The following MARK1 variants were observed in gnomAD, a reference collection of about 807,000 sequenced individuals.
MARK1 encodes microtubule affinity regulating kinase 1.
MARK1 carries 40 observed loss-of-function variants against 96.3 expected under a neutral mutation model. The observed-to-expected ratio is 0.42, with a 90% CI of 0.32 to 0.54. MARK1 has a LOEUF of 0.54. Among genes scored for constraint, MARK1 ranks in the 20% least tolerant of loss-of-function variants. The pLI, the probability that MARK1 is intolerant of heterozygous loss-of-function variation, is 0.16. For missense variants in MARK1, 719 were observed against 984.6 expected (o/e 0.73, Z 3.61); for synonymous variants, 317 against 341.2 (o/e 0.93, Z 0.78).
chr1:220,578,679 G>A (rs1456027439), intron 1 of MARK1, among the ~76,000 whole-genome samples: 1 of 152,140 alleles, frequency 6.6e-6, no homozygotes, highest in Admixed American at 6.5e-5. Flanking sequence ...GGTTGTCTTG[G>A]CAATAAAGAC....
At chr1:220,539,364 A>G (rs925621349) in intron 1 of MARK1, among the ~76,000 whole-genome samples, 1 of 152,132 alleles carries the variant, frequency 6.6e-6, no homozygotes, top group Non-Finnish European at 1.5e-5. Flanking sequence ...TATATGCTGG[A>G]TTACATTGAT....
intron 5 of MARK1, among the ~76,000 whole-genome samples, chr1:220,601,771 G>A (rs1165164526): frequency 6.6e-6 from 1 of 152,124 alleles, no homozygotes; most frequent in East Asian, 1.9e-4. Context: ...CTCTCTATTG[G>A]TGCTAATGAA....
intron 13 of MARK1, among the ~76,000 whole-genome samples, chr1:220,638,081 T>A (rs1360013869): frequency 6.6e-6 from 1 of 152,052 alleles, no homozygotes; most frequent in Non-Finnish European, 1.5e-5. Flanking sequence ...TTCTACCTGA[T>A]CTGTTTAGAA....
intron 13 of MARK1, among the ~76,000 whole-genome samples, chr1:220,649,693 A>C (rs1668768173): frequency 6.6e-6 from 1 of 152,184 alleles, no homozygotes; most frequent in African/African-American, 2.4e-5. Flanking sequence ...AGTTTTGTTT[A>C]TATGAGTTTT....
At chr1:220,630,910 T>G in intron 9 of MARK1, 125 bp from the exon 10 acceptor site, 1 of 659,176 alleles carries the variant, frequency 1.5e-6, no homozygotes, top group Non-Finnish European at 2.6e-6. Flanking sequence ...GGCCCACTAA[T>G]CAAACTAGAA....
At position 220,609,650 on chromosome 1, in the gene MARK1, C is replaced by T. The variant is rs536626657; in HGVS notation, c.495+5513C>T. Among the ~76,000 whole-genome samples the T allele has an allele frequency of 1.5e-4, 23 of 152,256 alleles. No individual in the cohort carries two copies. In the South Asian group the frequency reaches 1.7e-3, roughly 11 times the overall value. On this transcript the variant is annotated intron_variant, in intron 6 of 17. Coordinates refer to ENST00000366917, the MANE Select transcript of MARK1 (RefSeq NM_018650.5). ...AATTGATGCAGTTTCTTCATAGCAT[C>T]GATGGTCTTTACAATGTGGCATGTT...
intron 1 of MARK1, among the ~76,000 whole-genome samples, chr1:220,574,551 T>C (rs769433630): frequency 3.9e-5 from 6 of 152,182 alleles, no homozygotes; most frequent in Non-Finnish European, 8.8e-5. Flanking sequence ...GGCCAGAGTT[T>C]GCCCCCAGCT....
At chr1:220,587,779 T>C (rs1411817982) in intron 3 of MARK1, among the ~76,000 whole-genome samples, 1 of 152,238 alleles carries the variant, frequency 6.6e-6, no homozygotes, top group Non-Finnish European at 1.5e-5. Context: ...TTCCTGTTAG[T>C]GGATTTTATT....
chr1:220,612,356 A>G (rs1666496531), intron 6 of MARK1, among the ~76,000 whole-genome samples: 1 of 152,202 alleles, frequency 6.6e-6, no homozygotes, highest in Admixed American at 6.6e-5. Context: ...AATAATTACT[A>G]AAATTGGCTT....
At chr1:220,638,250 C>T (rs1262310379) in intron 13 of MARK1, among the ~76,000 whole-genome samples, 1 of 151,958 alleles carries the variant, frequency 6.6e-6, no homozygotes, top group Non-Finnish European at 1.5e-5. Flanking sequence ...TGTCATTTGA[C>T]TGAACTGAGT....
Position 220,593,209 on chromosome 1 carries a change from A to G in MARK1, c.310-5122A>G, listed in dbSNP as rs141114606. ...TAAGTACTGTTTGTATTTATTCTTTATAATATGTTCTCGGAGGCTTGGGGA... is the reference window on the plus strand; with the variant it reads ...TAAGTACTGTTTGTATTTATTCTTTGTAATATGTTCTCGGAGGCTTGGGGA... On this transcript the variant is annotated intron_variant, in intron 3 of 17. Transcript: ENST00000366917. Among the ~76,000 whole-genome samples, 1,375 of 152,278 alleles carry G rather than the reference A, an allele frequency of 9.0e-3. 9 individuals are homozygous for G. The highest frequency in any genetic ancestry group is 0.013 in the Non-Finnish European group (901 of 68,004).
intron 9 of MARK1, among the ~76,000 whole-genome samples, chr1:220,628,247 A>G (rs997502612): frequency 3.9e-5 from 6 of 152,214 alleles, no homozygotes; most frequent in South Asian, 4.2e-4. Context: ...CAGCTTTTAT[A>G]CATACGTGAA....
At chr1:220,640,153 G>T (rs980467781) in intron 13 of MARK1, among the ~76,000 whole-genome samples, 2 of 152,164 alleles carry the variant, frequency 1.3e-5, no homozygotes, top group African/African-American at 4.8e-5. Flanking sequence ...CTGAACAAAT[G>T]AACATTTTTA....
intron 3 of MARK1, among the ~76,000 whole-genome samples, chr1:220,585,136 C>T (rs1338981802): frequency 6.6e-6 from 1 of 152,152 alleles, no homozygotes; most frequent in African/African-American, 2.4e-5. Context: ...TGGGGATATT[C>T]TGCAAGGAAT....
intron 6 of MARK1, among the ~76,000 whole-genome samples, chr1:220,606,171 C>T (rs547207949): frequency 6.6e-6 from 1 of 152,314 alleles, no homozygotes; most frequent in Admixed American, 6.5e-5. Context: ...TCCTCTCCAG[C>T]ATCTGTTGTT....
intron 9 of MARK1, among the ~76,000 whole-genome samples, chr1:220,624,681 C>A (rs1454481063): frequency 6.6e-6 from 1 of 151,956 alleles, no homozygotes; most frequent in African/African-American, 2.4e-5. Flanking sequence ...GGGTTTGATC[C>A]ATGTATATAT....
At chr1:220,625,400 A>G (rs923349484) in intron 9 of MARK1, among the ~76,000 whole-genome samples, 21 of 152,324 alleles carry the variant, frequency 1.4e-4, no homozygotes, top group Admixed American at 1.2e-3. Context: ...CAAACCAGAC[A>G]TGGATCATTC....
At chr1:220,569,425 T>C (rs768860245) in intron 1 of MARK1, among the ~76,000 whole-genome samples, 10 of 152,122 alleles carry the variant, frequency 6.6e-5, no homozygotes, top group Non-Finnish European at 1.5e-4. Context: ...CTATTTTATG[T>C]TATACCTAGA....
intron 6 of MARK1, among the ~76,000 whole-genome samples, chr1:220,612,530 A>T (rs1666509732): frequency 6.6e-6 from 1 of 152,132 alleles, no homozygotes; most frequent in Non-Finnish European, 1.5e-5. Flanking sequence ...TAGTATCTAT[A>T]TATGTTTTCC....
Sources: gnomAD v4.1 joint callset for allele counts (sites outside exome capture counted in the v4.1 genomes callset) on GRCh38, gnomAD v4.1.1 for gene constraint, MANE v1.5 for transcripts, NCBI Gene and HGNC (gene_info 2026-07-23, HGNC 2026-07-21) for gene names.